Variants in FBXW7 observed in about 807,000 individuals in gnomAD.
FBXW7 encodes F-box and WD repeat domain containing 7, also known as F-box/WD repeat-containing protein 7.
Under a neutral mutation model 86.3 loss-of-function variants are expected in FBXW7, and 11 were observed. The observed-to-expected ratio is 0.13, with a 90% CI of 0.08 to 0.21. The LOEUF is 0.21. Among genes scored for constraint, FBXW7 ranks in the 10% least tolerant of loss-of-function variants. The pLI, the probability that FBXW7 is intolerant of heterozygous loss-of-function variation, is 1.00. For synonymous variants in FBXW7, 313 were observed against 297.9 expected (o/e 1.05, Z -0.52); for missense variants, 488 against 847.4 (o/e 0.58, Z 5.27).
chr4:152,463,518 T>C (rs1348854146), intron 2 of FBXW7, among the ~76,000 whole-genome samples: 1 of 151,784 alleles, frequency 6.6e-6, no homozygotes, highest in African/African-American at 2.4e-5. Flanking sequence ...GTCAGAGATA[T>C]TACAGGGCTT....
At chr4:152,522,173 C>T (rs796615337) in intron 2 of FBXW7, among the ~76,000 whole-genome samples, 53 of 152,102 alleles carry the variant, frequency 3.5e-4, no homozygotes, top group Admixed American at 1.2e-3. Context: ...TTTAAGTGTA[C>T]GTTTGACTTT....
At chr4:152,369,783 T>G (rs932707226) in intron 4 of FBXW7, among the ~76,000 whole-genome samples, 3 of 152,028 alleles carry the variant, frequency 2.0e-5, no homozygotes, top group Non-Finnish European at 2.9e-5. Flanking sequence ...TGAATCCATT[T>G]ATTCTCATTT....
At chr4:152,470,118 C>A (rs1204146919) in intron 2 of FBXW7, among the ~76,000 whole-genome samples, 1 of 151,938 alleles carries the variant, frequency 6.6e-6, no homozygotes, top group East Asian at 1.9e-4. Context: ...AGTTTAAAAT[C>A]CAAACCATAT....
chr4:152,535,803 G>A lies in FBXW7; in HGVS notation c.-889C>T. 7.6e-6 allele frequency: 3 copies of A among 392,518 alleles called. No individual in the cohort carries two copies. The highest frequency in any genetic ancestry group is 1.3e-5 in the Non-Finnish European group (3 of 222,796). The allele number at this position is 392,518 out of a possible 1,614,324, so 24.3% of individuals were successfully genotyped here. A position where few individuals can be genotyped will look rare whatever the true frequency, so the allele number is the denominator to read the frequency against. On this transcript the variant is annotated 5_prime_UTR_variant, in exon 1 of 14. Coordinates refer to ENST00000281708, the MANE Select transcript of FBXW7 (RefSeq NM_001349798.2). ...TAGCCGCCTCCCTGCCCCCCAAGCC[G>A]CCGGCTCCGGCTCAGGCTCGGGCTC...
At chr4:152,325,936 G>A in intron 12 of FBXW7, 70 bp downstream of exon 12, 1 of 1,294,412 alleles carries the variant, frequency 7.7e-7, no homozygotes, top group Non-Finnish European at 1.1e-6. Context: ...CAATTTGACA[G>A]TGATTATCTG....
At chr4:152,399,276 T>C (rs574038282) in intron 4 of FBXW7, among the ~76,000 whole-genome samples, 2 of 152,240 alleles carry the variant, frequency 1.3e-5, no homozygotes, top group African/African-American at 4.8e-5. Context: ...AGAAATAGGA[T>C]AGAAGGACTC....
chr4:152,356,522 T>A (rs902879813), intron 4 of FBXW7, among the ~76,000 whole-genome samples: 1 of 152,194 alleles, frequency 6.6e-6, no homozygotes, highest in Admixed American at 6.5e-5. Flanking sequence ...CAACACTTTG[T>A]ACTCTAGAAA....
At chr4:152,324,479 A>G in intron 12 of FBXW7, 85 bp from the exon 13 acceptor site, 1 of 1,122,290 alleles carries the variant, frequency 8.9e-7, no homozygotes, top group Non-Finnish European at 1.3e-6. Flanking sequence ...GAAAGGGGGA[A>G]GAGGATGGGA....
intron 4 of FBXW7, among the ~76,000 whole-genome samples, chr4:152,408,113 A>C (rs1412681972): frequency 1.3e-5 from 2 of 152,212 alleles, no homozygotes; most frequent in African/African-American, 2.4e-5. Flanking sequence ...GACTAATTTG[A>C]GGTAAGGAAG....
At chr4:152,391,917 T>G (rs1020039201) in intron 4 of FBXW7, among the ~76,000 whole-genome samples, 1 of 152,094 alleles carries the variant, frequency 6.6e-6, no homozygotes, top group Non-Finnish European at 1.5e-5. Flanking sequence ...CTTCCTAAAT[T>G]AGTTGTTCGG....
intron 2 of FBXW7, among the ~76,000 whole-genome samples, chr4:152,500,517 A>C (rs947230110): frequency 6.6e-6 from 1 of 151,784 alleles, no homozygotes; most frequent in Non-Finnish European, 1.5e-5. Context: ...AAAAAAAAAA[A>C]AAACTTTAAA....
At chr4:152,342,885 A>T (rs1730883165) in intron 6 of FBXW7, among the ~76,000 whole-genome samples, 1 of 152,238 alleles carries the variant, frequency 6.6e-6, no homozygotes. Flanking sequence ...CTCTAGCTAA[A>T]TACATGACTT....
Position 152,350,072 on chromosome 4 carries a change from T to C in FBXW7, c.554A>G (p.Lys185Arg). ...ATATTCTGAGACTTTGCATGGTTTC[T>C]TTCCCAAAGAAAAAGAGCGGACCTC... ...GSEVRSFSLGKKPCKVSEYTS... is the reference protein window; with the variant it reads ...GSEVRSFSLGRKPCKVSEYTS... The change falls in exon 5 of 14, where the codon AAG becomes AGG. Residue 185 changes from lysine to arginine, a missense_variant. By Grantham distance (26) the Lys-to-Arg change is conservative. Transcript: ENST00000281708. 1 of 1,565,788 alleles carries C rather than the reference T, an allele frequency of 6.4e-7. No homozygotes were observed. Among genetic ancestry groups the C allele is most frequent in the Non-Finnish European group, 8.7e-7 (1 of 1,150,860 alleles).
intron 4 of FBXW7, among the ~76,000 whole-genome samples, chr4:152,380,292 TAATA>T (rs572463778): frequency 2.6e-5 from 4 of 151,932 alleles, no homozygotes; most frequent in South Asian, 2.1e-4. Flanking sequence ...ATGGGAAAGT[TAATA>T]AATAACACAG....
At chr4:152,489,461 G>C (rs1290102809) in intron 2 of FBXW7, 1 of 152,656 alleles carries the variant, frequency 6.6e-6, no homozygotes, top group Admixed American at 6.6e-5. Context: ...TTCATACTCA[G>C]TATAACTATA....
chr4:152,386,450 T>C (rs1225685264), intron 4 of FBXW7, among the ~76,000 whole-genome samples: 2 of 152,080 alleles, frequency 1.3e-5, no homozygotes, highest in African/African-American at 4.8e-5. Context: ...AATTAAACTG[T>C]CATTATGATT....
intron 2 of FBXW7, among the ~76,000 whole-genome samples, chr4:152,414,709 G>T (rs1288247404): frequency 6.6e-6 from 1 of 152,036 alleles, no homozygotes; most frequent in Non-Finnish European, 1.5e-5. Context: ...TTTAAGTGTG[G>T]GGAACAACAT....
intron 2 of FBXW7, among the ~76,000 whole-genome samples, chr4:152,413,690 A>G (rs1165404624): frequency 1.3e-5 from 2 of 152,086 alleles, no homozygotes; most frequent in African/African-American, 4.8e-5. Flanking sequence ...TCTAAAACAA[A>G]TTATTTGCTG....
chr4:152,472,543 A>G (rs1167934058), intron 2 of FBXW7, among the ~76,000 whole-genome samples: 8 of 152,182 alleles, frequency 5.3e-5, no homozygotes, highest in Admixed American at 4.6e-4. Flanking sequence ...AAACTTATAA[A>G]TCATATAGTC....
Sources: gnomAD v4.1 joint callset for allele counts (sites outside exome capture counted in the v4.1 genomes callset) on GRCh38, gnomAD v4.1.1 for gene constraint, MANE v1.5 for transcripts, NCBI Gene and HGNC (gene_info 2026-07-23, HGNC 2026-07-21) for gene names.